The following DZIP3 variants were observed in gnomAD, a reference collection of about 807,000 sequenced individuals.
DZIP3 encodes E3 ubiquitin-protein ligase DZIP3.
Under a neutral mutation model 162.0 loss-of-function variants are expected in DZIP3, and 118 were observed. The observed-to-expected ratio is 0.73, with a 90% confidence interval of 0.63 to 0.85. The LOEUF (loss-of-function observed/expected upper bound fraction) is 0.85. Ranked by LOEUF, DZIP3 falls within the 40% of genes least tolerant of loss-of-function variation. DZIP3 has a pLI of 0.00. For synonymous variants in DZIP3, 438 were observed against 458.6 expected (o/e 0.96, Z 0.57); for missense variants, 1,331 against 1,407.0 (o/e 0.95, Z 0.86).
intron 4 of DZIP3, among the ~76,000 whole-genome samples, chr3:108,614,879 A>T (rs1452141452): frequency 1.3e-5 from 2 of 152,136 alleles, no homozygotes; most frequent in African/African-American, 4.8e-5. Flanking sequence ...CCTTTAATTA[A>T]AACCTACTTT....
chr3:108,661,879 C>T lies in DZIP3; in HGVS notation c.2202C>T (p.Gly734=), dbSNP rs200201316. The T allele has an allele frequency of 6.2e-7, 1 of 1,612,816 alleles. No individual in the cohort carries two copies. The highest frequency in any genetic ancestry group is 2.2e-5 in the East Asian group (1 of 44,844). ...TGCATATTTCCTGTGCTCAATAGGG[C>T]TCAGCTGGCAAAGTAACTACAGACT... The part of the protein sequence containing the change: ...ELHILDMIEQ[G]SAGKVTTDYG... Residue 734 remains glycine, a splice_region_variant and synonymous_variant, in exon 20 of 33, where the codon GGC becomes GGT. Transcript: ENST00000361582.
At chr3:108,643,535 G>T (rs1204652941) in intron 13 of DZIP3, among the ~76,000 whole-genome samples, 1 of 150,936 alleles carries the variant, frequency 6.6e-6, no homozygotes, top group Non-Finnish European at 1.5e-5. Context: ...GATGCTGCTG[G>T]TCTCTGGGCT....
intron 5 of DZIP3, among the ~76,000 whole-genome samples, chr3:108,621,457 T>G (rs1351820424): frequency 1.3e-5 from 2 of 152,216 alleles, no homozygotes; most frequent in Non-Finnish European, 2.9e-5. Flanking sequence ...TTATACTGTT[T>G]CTTATTTTAA....
chr3:108,653,635 C>A (rs911955544), intron 18 of DZIP3, among the ~76,000 whole-genome samples: 1 of 150,408 alleles, frequency 6.6e-6, no homozygotes, highest in African/African-American at 2.4e-5. Flanking sequence ...AGTTCTGTTA[C>A]AAAAGAAACC....
rs998145313 is a variant in DZIP3, at chr3:108,611,066, A to T, written c.103-108A>T. 5.5e-6 allele frequency: 6 copies of T among 1,086,182 alleles called. No individual in the cohort carries two copies. The African/African-American group carries it at 9.7e-5, about 18-fold the overall frequency. The allele number at this position is 1,086,182 out of a possible 1,614,324, so 67.3% of individuals were successfully genotyped here. A position where few individuals can be genotyped will look rare whatever the true frequency, so the allele number is the denominator to read the frequency against. On this transcript the variant is annotated intron_variant, in intron 3 of 32. Coordinates refer to ENST00000361582, the MANE Select transcript of DZIP3 (RefSeq NM_014648.4). ...ATTCTGTCATAGAAGCTAGGAGAAC[A>T]AGGGAAAATGAGCTTTGTTCCTTTT...
intron 19 of DZIP3, among the ~76,000 whole-genome samples, chr3:108,659,014 A>G (rs1314597869): frequency 1.3e-5 from 2 of 152,006 alleles, no homozygotes; most frequent in African/African-American, 2.4e-5. Flanking sequence ...TTACCAACCA[A>G]AAAAAAGTCC....
chr3:108,632,568 C>G (rs1941939608), intron 8 of DZIP3, among the ~76,000 whole-genome samples: 1 of 152,194 alleles, frequency 6.6e-6, no homozygotes, highest in Non-Finnish European at 1.5e-5. Flanking sequence ...TTGCTTCCAG[C>G]CAAGATTCTC....
In DZIP3 at chr3:108,636,697, G is replaced by C. The variant is rs1162632787; in HGVS notation, c.1000G>C (p.Val334Leu). The change falls in exon 11 of 33, where the codon GTT (valine) becomes CTT (leucine). Residue 334 changes from valine to leucine, a missense_variant. This residue lies in a region of DZIP3 where 1,278 missense variants were observed against 1,317.1 expected (regional missense o/e 0.97). Coordinates refer to ENST00000361582, the MANE Select transcript of DZIP3 (RefSeq NM_014648.4). ...RMLQCDVPGI[V>L]KILFEVVRKD... Reference sequence around the variant, plus strand: ...GCTGCAATGTGATGTACCTGGAATTGTTAAAATTTTGGTGAGTATCTTGTT... The same window carrying C: ...GCTGCAATGTGATGTACCTGGAATTCTTAAAATTTTGGTGAGTATCTTGTT... 6.4e-7 allele frequency: 1 copy of C among 1,567,378 alleles called. No homozygotes were observed. Among genetic ancestry groups the C allele is most frequent in the Non-Finnish European group, 8.6e-7 (1 of 1,163,956 alleles).
At chr3:108,692,486 G>A (rs1426780101) in intron 32 of DZIP3, among the ~76,000 whole-genome samples, 1 of 152,170 alleles carries the variant, frequency 6.6e-6, no homozygotes, top group African/African-American at 2.4e-5. Context: ...TTCAATTTGA[G>A]ACTGTTGAAC....
intron 1 of DZIP3, among the ~76,000 whole-genome samples, chr3:108,600,255 G>A (rs1408802598): frequency 6.6e-6 from 1 of 152,134 alleles, no homozygotes; most frequent in East Asian, 1.9e-4. Context: ...TCAATGTTGA[G>A]TTAGGAAATC....
At chr3:108,649,248 A>G (rs997362159) in intron 17 of DZIP3, among the ~76,000 whole-genome samples, 2 of 151,830 alleles carry the variant, frequency 1.3e-5, no homozygotes, top group Admixed American at 6.6e-5. Context: ...TCTACATACC[A>G]CTTATTTTTA....
At chr3:108,648,876 A>T in intron 16 of DZIP3, 42 bp from the exon 17 acceptor site, 1 of 1,066,092 alleles carries the variant, frequency 9.4e-7, no homozygotes, top group Admixed American at 3.4e-5. Flanking sequence ...CCCATTGGGC[A>T]ATTTGAATTA....
At chr3:108,631,583 C>CTTTT (rs10708434) in intron 8 of DZIP3, among the ~76,000 whole-genome samples, 3 of 101,366 alleles carry the variant, frequency 3.0e-5, no homozygotes, top group Admixed American at 1.1e-4. Flanking sequence ...TTATTATTCC[C>CTTTT]TTTTTTTTTT....
At chr3:108,620,386 T>A (rs1444143763) in intron 5 of DZIP3, among the ~76,000 whole-genome samples, 1 of 152,190 alleles carries the variant, frequency 6.6e-6, no homozygotes, top group African/African-American at 2.4e-5. Context: ...CTTTATCAGT[T>A]AGGGAACACT....
At chr3:108,655,132 A>AGAAT (rs1332149869) in intron 19 of DZIP3, among the ~76,000 whole-genome samples, 2 of 152,338 alleles carry the variant, frequency 1.3e-5, no homozygotes, top group East Asian at 3.9e-4. Flanking sequence ...TATAGCCATG[A>AGAAT]GACTATGGGA....
chr3:108,599,973 T>C (rs978860767), intron 1 of DZIP3, among the ~76,000 whole-genome samples: 16 of 152,212 alleles, frequency 1.1e-4, no homozygotes, highest in African/African-American at 3.9e-4. Flanking sequence ...CCACAAAGAA[T>C]GGCTAGTTAT....
chr3:108,679,397 A>G (rs1228072408), intron 26 of DZIP3, among the ~76,000 whole-genome samples: 1 of 152,066 alleles, frequency 6.6e-6, no homozygotes, highest in Admixed American at 6.6e-5. Context: ...ACCCGGGTTT[A>G]GTTAAGTACA....
At chr3:108,675,752 A>T in intron 24 of DZIP3, 34 bp from the exon 25 acceptor site, 6 of 1,563,046 alleles carry the variant, frequency 3.8e-6, no homozygotes, top group Non-Finnish European at 5.2e-6. Flanking sequence ...ATAAAAAGAA[A>T]GAGTTTTCTT....
At chr3:108,589,664 G>A (rs995659206), upstream of DZIP3, 2 of 294,802 alleles carry the variant, frequency 6.8e-6, no homozygotes, top group Non-Finnish European at 6.4e-6. Flanking sequence ...ATCCCGTGAA[G>A]GCGAGAAATC....
Sources: allele counts gnomAD v4.1 joint callset (sites outside exome capture counted in the v4.1 genomes callset), GRCh38; gene constraint gnomAD v4.1.1; regional missense constraint gnomAD v4.1.1; transcripts MANE v1.5; gene names NCBI Gene and HGNC (gene_info 2026-07-23, HGNC 2026-07-21).